SPAG16: variants seen among roughly 807,000 people sequenced by gnomAD.
SPAG16 encodes the protein sperm-associated antigen 16 protein.
Under a neutral mutation model 80.4 loss-of-function variants are expected in SPAG16, and 86 were observed. The ratio of observed to expected loss-of-function variants is 1.07; its 90% CI spans 0.90 to 1.28. The LOEUF is 1.28. Among genes scored for constraint, SPAG16 ranks in the 50% most tolerant of loss-of-function variants. The probability of loss-of-function intolerance (pLI) is 0.00; values close to 1 mark genes in which losing one functional copy is unlikely to be tolerated. For missense variants in SPAG16, 870 were observed against 765.3 expected (o/e 1.14, Z -1.61); for synonymous variants, 294 against 265.9 (o/e 1.11, Z -1.03).
At chr2:213,489,114 A>T (rs1261983313) in intron 9 of SPAG16, among the ~76,000 whole-genome samples, 5 of 152,098 alleles carry the variant, frequency 3.3e-5, no homozygotes, top group Non-Finnish European at 5.9e-5. Context: ...TCATGCCTAA[A>T]ATAATGTTTG....
intron 9 of SPAG16, among the ~76,000 whole-genome samples, chr2:213,397,140 T>C (rs1326109166): frequency 6.6e-6 from 1 of 152,220 alleles, no homozygotes; most frequent in Non-Finnish European, 1.5e-5. Context: ...AGCCTTGATT[T>C]GTATAGTGTT....
At chr2:214,093,427 G>GTA (rs71037338) in intron 13 of SPAG16, among the ~76,000 whole-genome samples, 13,452 of 150,850 alleles carry the variant, frequency 0.089, 769 homozygotes, top group East Asian at 0.28. Context: ...TCATTCTAAT[G>GTA]TATATATATA....
chr2:213,952,119 T>C (rs568549904), intron 12 of SPAG16, among the ~76,000 whole-genome samples: 1 of 152,094 alleles, frequency 6.6e-6, no homozygotes, highest in Non-Finnish European at 1.5e-5. Flanking sequence ...GAAAATTGTT[T>C]TGAATCATCT....
intron 11 of SPAG16, among the ~76,000 whole-genome samples, chr2:213,881,153 G>A (rs897403007): frequency 6.6e-5 from 10 of 152,048 alleles, no homozygotes; most frequent in Admixed American, 6.5e-4. Context: ...TTGTTTTGTA[G>A]TTCTCTTTAT....
chr2:213,301,284 A>G (rs111283337), intron 3 of SPAG16, among the ~76,000 whole-genome samples: 9,094 of 152,236 alleles, frequency 0.06, 905 homozygotes, highest in African/African-American at 0.21. Flanking sequence ...AGCCATGTCT[A>G]CAGATTATCC....
intron 12 of SPAG16, among the ~76,000 whole-genome samples, chr2:213,963,193 G>A (rs551176918): frequency 1.2e-3 from 176 of 150,714 alleles, no homozygotes; most frequent in African/African-American, 4.1e-3. Flanking sequence ...TTCTATCTGA[G>A]CACTACTTTA....
intron 9 of SPAG16, among the ~76,000 whole-genome samples, chr2:213,453,538 G>A (rs2071824486): frequency 6.6e-6 from 1 of 152,132 alleles, no homozygotes; most frequent in Admixed American, 6.5e-5. Flanking sequence ...AATAAAATGG[G>A]GAATTGTGGT....
chr2:213,686,932 C>T (rs2125281224), intron 10 of SPAG16, among the ~76,000 whole-genome samples: 1 of 152,094 alleles, frequency 6.6e-6, no homozygotes, highest in African/African-American at 2.4e-5. Flanking sequence ...ATCTGCCCAC[C>T]TCGGCCTCCC....
chr2:213,934,894 C>A (rs2078921546), intron 12 of SPAG16, among the ~76,000 whole-genome samples: 1 of 152,096 alleles, frequency 6.6e-6, no homozygotes, highest in Non-Finnish European at 1.5e-5. Flanking sequence ...TCTCTGGACT[C>A]TCCAGCAATA....
At chr2:213,607,389 G>A (rs552627443) in intron 10 of SPAG16, among the ~76,000 whole-genome samples, 2 of 152,276 alleles carry the variant, frequency 1.3e-5, no homozygotes, top group African/African-American at 4.8e-5. Flanking sequence ...TATATTAGGT[G>A]TGTGAATTAA....
chr2:214,104,372 C>T (rs72937980), intron 13 of SPAG16, among the ~76,000 whole-genome samples: 32,088 of 151,992 alleles, frequency 0.21, 3,745 homozygotes, highest in Middle Eastern at 0.28. Context: ...TGGTCTGATT[C>T]AGCTTTTGTT....
At chr2:213,860,454 T>C (rs532635152) in intron 10 of SPAG16, among the ~76,000 whole-genome samples, 1 of 123,376 alleles carries the variant, frequency 8.1e-6, no homozygotes, top group African/African-American at 2.8e-5. Context: ...TATATGTATA[T>C]ATATACAGAT....
At chr2:214,392,257 G>C (rs1032885066) in intron 15 of SPAG16, among the ~76,000 whole-genome samples, 1 of 152,028 alleles carries the variant, frequency 6.6e-6, no homozygotes, top group African/African-American at 2.4e-5. Flanking sequence ...TCTGCCTCAA[G>C]CAATCCTCCT....
chr2:214,057,660 C>T (rs1422231589), intron 13 of SPAG16, among the ~76,000 whole-genome samples: 1 of 152,140 alleles, frequency 6.6e-6, no homozygotes, highest in East Asian at 1.9e-4. Context: ...AGCTTTGAAG[C>T]CAGACATCGA....
chr2:213,635,781 T>C (rs1457779539), intron 10 of SPAG16, among the ~76,000 whole-genome samples: 1 of 152,188 alleles, frequency 6.6e-6, no homozygotes, highest in Non-Finnish European at 1.5e-5. Context: ...TCATGTCCTT[T>C]CCCTACTTTT....
At chr2:213,647,143 T>C (rs963199593) in intron 10 of SPAG16, among the ~76,000 whole-genome samples, 7 of 152,116 alleles carry the variant, frequency 4.6e-5, no homozygotes, top group African/African-American at 1.7e-4. Context: ...AGAAAATAAA[T>C]ACATATTAAT....
intron 5 of SPAG16, among the ~76,000 whole-genome samples, chr2:213,326,414 T>A (rs1055038174): frequency 6.6e-6 from 1 of 152,056 alleles, no homozygotes; most frequent in Admixed American, 6.6e-5. Context: ...AAGATAATAA[T>A]GAGGCTTATA....
intron 15 of SPAG16, among the ~76,000 whole-genome samples, chr2:214,325,249 A>C (rs1174773203): frequency 6.6e-6 from 1 of 152,188 alleles, no homozygotes; most frequent in African/African-American, 2.4e-5. Flanking sequence ...GGATCTTGTT[A>C]AATGGACGTG....
chr2:213,443,587 A>T (rs1231754598), intron 9 of SPAG16, among the ~76,000 whole-genome samples: 1 of 152,066 alleles, frequency 6.6e-6, no homozygotes, highest in Non-Finnish European at 1.5e-5. Flanking sequence ...TATCTTTGTT[A>T]TTGTGAATAA....
Sources: gnomAD v4.1 joint callset for allele counts (sites outside exome capture counted in the v4.1 genomes callset) on GRCh38, gnomAD v4.1.1 for gene constraint, MANE v1.5 for transcripts, NCBI Gene and HGNC (gene_info 2026-07-23, HGNC 2026-07-21) for gene names.